Variants in WBP1L observed in about 807,000 individuals in gnomAD.
The protein encoded by WBP1L is WW domain binding protein 1-like.
In WBP1L, 17 loss-of-function variants were observed where a neutral mutation model predicts 33.7. That is an observed-to-expected ratio of 0.50 (90% CI 0.34 to 0.76). The LOEUF (loss-of-function observed/expected upper bound fraction) is 0.76, where lower values mean the gene tolerates loss of function less well. Among genes scored for constraint, WBP1L ranks in the 30% least tolerant of loss-of-function variants. WBP1L has a pLI of 0.01. For missense variants in WBP1L, 389 were observed against 469.4 expected (o/e 0.83, Z 1.58); for synonymous variants, 173 against 190.8 (o/e 0.91, Z 0.77).
chr10:102,778,830 T>C (rs1261528655), intron 1 of WBP1L, among the ~76,000 whole-genome samples: 1 of 152,194 alleles, frequency 6.6e-6, no homozygotes, highest in Non-Finnish European at 1.5e-5. Flanking sequence ...ATCGTACATA[T>C]GTATGCACTT....
chr10:102,794,089 C>G (rs751149472), intron 1 of WBP1L, among the ~76,000 whole-genome samples: 2 of 152,072 alleles, frequency 1.3e-5, no homozygotes, highest in African/African-American at 2.4e-5. Context: ...CTCTTAACTA[C>G]TTAGGCTTTG....
At chr10:102,767,500 C>T (rs1162386209) in intron 1 of WBP1L, among the ~76,000 whole-genome samples, 1 of 151,898 alleles carries the variant, frequency 6.6e-6, no homozygotes, top group Non-Finnish European at 1.5e-5. Context: ...GCCACTGCAC[C>T]CCAGCCAGGG....
chr10:102,792,928 G>T (rs930302380), intron 1 of WBP1L, among the ~76,000 whole-genome samples: 1 of 152,140 alleles, frequency 6.6e-6, no homozygotes, highest in South Asian at 2.1e-4. Context: ...GTCAATCTCA[G>T]TTCAAGCTTA....
chr10:102,793,316 A>T (rs931677951), intron 1 of WBP1L, among the ~76,000 whole-genome samples: 3 of 152,318 alleles, frequency 2.0e-5, no homozygotes, highest in Non-Finnish European at 4.4e-5. Flanking sequence ...ATGGTGGCAC[A>T]TGCCTGTAGT....
At chr10:102,797,862 T>G in intron 1 of WBP1L, 131 bp from the exon 2 acceptor site, 1 of 857,620 alleles carries the variant, frequency 1.2e-6, no homozygotes. Flanking sequence ...AAGTTGATTT[T>G]CTTAATGGAA....
chr10:102,776,459 G>T, intron 1 of WBP1L: 1 of 1,613,612 alleles, frequency 6.2e-7, no homozygotes, highest in Non-Finnish European at 8.5e-7. Flanking sequence ...GGGAAGAAGG[G>T]GTGGGAGCTT....
At position 102,748,721 on chromosome 10, in the gene WBP1L, A is replaced by G. The variant is rs80246315; in HGVS notation, c.90+4578A>G. 8.1e-3 allele frequency among the ~76,000 whole-genome samples: 1,228 copies of G among 152,360 alleles called. 19 individuals are homozygous for G. Among genetic ancestry groups the G allele is most frequent in the African/African-American group, 0.028 (1,179 of 41,584 alleles). On this transcript the variant is annotated intron_variant, in intron 1 of 3. Transcript: ENST00000448841. ...CCCAGGAGCTGGAAATCTTGTGGCA[A>G]GGACAGATAGCGCACACAGTGAATT...
intron 2 of WBP1L, among the ~76,000 whole-genome samples, chr10:102,801,599 T>C (rs2482507): frequency 0.79 from 119,859 of 152,006 alleles, 48,255 homozygotes; most frequent in Middle Eastern, 0.87. Context: ...GTTCTCATCC[T>C]GGGGCTCTCT....
At chr10:102,811,320 G>A (rs540092001) in intron 3 of WBP1L, among the ~76,000 whole-genome samples, 2 of 152,182 alleles carry the variant, frequency 1.3e-5, no homozygotes, top group South Asian at 2.1e-4. Context: ...GGGGCGGGTT[G>A]GGGGGTGGCA....
At chr10:102,811,879 A>G (rs1450060402) in intron 3 of WBP1L, among the ~76,000 whole-genome samples, 1 of 152,250 alleles carries the variant, frequency 6.6e-6, no homozygotes, top group Non-Finnish European at 1.5e-5. Flanking sequence ...TAAGTGCTCA[A>G]TAAATGTTAG....
intron 1 of WBP1L, among the ~76,000 whole-genome samples, chr10:102,784,415 T>C (rs1030242635): frequency 8.2e-5 from 12 of 146,908 alleles, no homozygotes; most frequent in Non-Finnish European, 1.8e-4. Flanking sequence ...CCAAAAGTTC[T>C]TGTTTCTTTT....
intron 2 of WBP1L, among the ~76,000 whole-genome samples, chr10:102,799,760 C>G (rs182134104): frequency 1.4e-4 from 22 of 152,276 alleles, no homozygotes; most frequent in African/African-American, 5.1e-4. Context: ...TCATCCCCCC[C>G]ATCAACCCCT....
At chr10:102,780,680 T>C (rs531483842) in intron 1 of WBP1L, among the ~76,000 whole-genome samples, 1 of 152,282 alleles carries the variant, frequency 6.6e-6, no homozygotes, top group African/African-American at 2.4e-5. Flanking sequence ...AATGAGGACA[T>C]TCTGCAGGTG....
At position 102,813,138 on chromosome 10, in the gene WBP1L, G is replaced by C; in HGVS notation, c.899G>C (p.Gly300Ala). The C allele has an allele frequency of 1.2e-6, 2 of 1,614,056 alleles. No individual in the cohort carries two copies. The highest frequency in any genetic ancestry group is 2.2e-5 in the South Asian group (2 of 91,086). Residue 300 changes from glycine (G) to alanine (A), a missense_variant, in exon 4 of 4, where the codon GGG (glycine) becomes GCG (alanine). By Grantham distance (60) the Gly-to-Ala change is moderately conservative (BLOSUM62 0). Transcript: ENST00000448841. ...ACACTCATCGATGATGCTCTGGATG[G>C]GCCCCTGGACTTCTGCGACAGCTGC... ...FNTLIDDALDGPLDFCDSCHV... is the reference protein window; with the variant it reads ...FNTLIDDALDAPLDFCDSCHV...
intron 1 of WBP1L, among the ~76,000 whole-genome samples, chr10:102,750,023 C>T (rs1005766902): frequency 6.6e-6 from 1 of 151,474 alleles, no homozygotes; most frequent in African/African-American, 2.4e-5. Context: ...CTCAGATGAT[C>T]TGCCCGCCTT....
At chr10:102,808,318 G>A (rs1035992291) in intron 2 of WBP1L, among the ~76,000 whole-genome samples, 8 of 151,938 alleles carry the variant, frequency 5.3e-5, no homozygotes, top group South Asian at 2.1e-4. Flanking sequence ...CCCCTCGTGC[G>A]TATATGTGTA....
At chr10:102,795,284 G>A (rs895465358) in intron 1 of WBP1L, among the ~76,000 whole-genome samples, 8 of 152,328 alleles carry the variant, frequency 5.3e-5, no homozygotes, top group African/African-American at 1.9e-4. Context: ...TAGATTAACT[G>A]TGTTAAATGC....
chr10:102,748,743 A>T (rs1447550497), intron 1 of WBP1L, among the ~76,000 whole-genome samples: 2 of 152,258 alleles, frequency 1.3e-5, no homozygotes, highest in Admixed American at 6.5e-5. Context: ...GCACACAGTG[A>T]ATTGTAATCC....
intron 1 of WBP1L, among the ~76,000 whole-genome samples, chr10:102,745,607 C>CTA (rs1368628212): frequency 6.6e-6 from 1 of 152,136 alleles, no homozygotes; most frequent in East Asian, 1.9e-4. Flanking sequence ...TTTATAAGGC[C>CTA]CATCCACATC....
Sources: gnomAD v4.1 joint callset for allele counts (sites outside exome capture counted in the v4.1 genomes callset) on GRCh38, gnomAD v4.1.1 for gene constraint, MANE v1.5 for transcripts, NCBI Gene and HGNC (gene_info 2026-07-23, HGNC 2026-07-21) for gene names.